Variants in SGCZ observed in about 807,000 individuals in gnomAD.
The protein encoded by SGCZ is sarcoglycan zeta.
In SGCZ, 40 loss-of-function variants were observed where a neutral mutation model predicts 41.3. The observed-to-expected ratio is 0.97, with a 90% CI of 0.75 to 1.26. The LOEUF (loss-of-function observed/expected upper bound fraction) is 1.26, where lower values mean the gene tolerates loss of function less well. Among genes scored for constraint, SGCZ ranks in the 50% most tolerant of loss-of-function variants. The pLI is 0.00. For synonymous variants in SGCZ, 206 were observed against 137.5 expected, an observed-to-expected ratio of 1.50 and a Z score of -3.49; for missense variants, 552 against 369.8, an observed-to-expected ratio of 1.49 and a Z score of -4.04.
At chr8:14,913,841 T>A (rs902387786) in intron 1 of SGCZ, among the ~76,000 whole-genome samples, 10 of 151,128 alleles carry the variant, frequency 6.6e-5, no homozygotes, top group African/African-American at 2.4e-4. Flanking sequence ...GTTTTCCAAG[T>A]GACGTTGCTT....
At chr8:14,283,392 G>C (rs929668696) in intron 3 of SGCZ, among the ~76,000 whole-genome samples, 15 of 152,140 alleles carry the variant, frequency 9.9e-5, no homozygotes, top group African/African-American at 3.6e-4. Context: ...GAGAATGCAA[G>C]AGATGAGAAT....
At chr8:14,292,937 A>G (rs1800889628) in intron 3 of SGCZ, among the ~76,000 whole-genome samples, 1 of 152,008 alleles carries the variant, frequency 6.6e-6, no homozygotes, top group South Asian at 2.1e-4. Context: ...AGTAGAGTCA[A>G]TGATGTATAA....
rs572422775 is a variant in SGCZ at position 14,900,173 on chromosome 8, G to A, written c.39+337412C>T. ...CACTTGACTGTAGACAGACAAGGGC[G>A]GTTTGCTACACAGGCTGGAATAGTT... On this transcript the variant is annotated intron_variant, in intron 1 of 7. Transcript: ENST00000382080. Among the ~76,000 whole-genome samples the A allele has an allele frequency of 1.3e-4, 19 of 151,878 alleles. 1 individual carries two copies. The South Asian group carries it at 2.3e-3, about 18-fold the overall frequency.
intron 1 of SGCZ, among the ~76,000 whole-genome samples, chr8:14,658,468 A>G (rs28545354): frequency 0.094 from 14,302 of 152,150 alleles, 723 homozygotes; most frequent in African/African-American, 0.14. Flanking sequence ...GGCACCTGCT[A>G]TTCCTACCAG....
intron 4 of SGCZ, among the ~76,000 whole-genome samples, chr8:14,186,929 G>C (rs888997581): frequency 6.6e-6 from 1 of 152,108 alleles, no homozygotes; most frequent in Admixed American, 6.5e-5. Flanking sequence ...ACTATTCCTG[G>C]AAAAAAGTTG....
At chr8:14,116,699 C>T (rs1192215842) in intron 5 of SGCZ, among the ~76,000 whole-genome samples, 1 of 151,992 alleles carries the variant, frequency 6.6e-6, no homozygotes, top group Admixed American at 6.6e-5. Context: ...TTATCACTTG[C>T]CATGTAATTC....
chr8:14,973,829 G>C (rs1454830932), intron 1 of SGCZ, among the ~76,000 whole-genome samples: 4 of 152,116 alleles, frequency 2.6e-5, no homozygotes. Flanking sequence ...TATTCTTGCA[G>C]GAGTTCTTGT....
At chr8:14,178,228 A>G (rs1186422413) in intron 4 of SGCZ, among the ~76,000 whole-genome samples, 2 of 152,156 alleles carry the variant, frequency 1.3e-5, no homozygotes, top group African/African-American at 4.8e-5. Flanking sequence ...TGCTGGGATT[A>G]CAGGCTTGAG....
At chr8:14,240,681 G>T (rs564982162) in intron 3 of SGCZ, among the ~76,000 whole-genome samples, 1 of 152,252 alleles carries the variant, frequency 6.6e-6, no homozygotes, top group South Asian at 2.1e-4. Flanking sequence ...CAAGTGATCT[G>T]AACCAAAACC....
At position 14,911,101 on chromosome 8, in the gene SGCZ, A is replaced by C. The variant is rs946722692; in HGVS notation, c.39+326484T>G. Among the ~76,000 whole-genome samples, 5 of 152,088 alleles carry C rather than the reference A, an allele frequency of 3.3e-5. No individual in the cohort carries two copies. In the East Asian group the frequency reaches 9.6e-4, roughly 29 times the overall value. ...TTATAAACTGTCTTCATGAGAAAAG[A>C]AGCATTTTGACTCCTCTGACACATC... On this transcript the variant is annotated intron_variant, in intron 1 of 7. Transcript: ENST00000382080.
At chr8:15,010,027 A>G (rs1210862477) in intron 1 of SGCZ, among the ~76,000 whole-genome samples, 2 of 152,246 alleles carry the variant, frequency 1.3e-5, no homozygotes, top group African/African-American at 4.8e-5. Flanking sequence ...GTGTTAGTGT[A>G]TATTTTTTTT....
intron 2 of SGCZ, among the ~76,000 whole-genome samples, chr8:14,501,380 C>T (rs1563370494): frequency 2.0e-5 from 3 of 151,666 alleles, no homozygotes; most frequent in East Asian, 1.9e-4. Flanking sequence ...CTGGGGAAGT[C>T]GATACAGGAG....
chr8:14,292,969 T>G (rs569842832), intron 3 of SGCZ, among the ~76,000 whole-genome samples: 1 of 152,022 alleles, frequency 6.6e-6, no homozygotes, highest in South Asian at 2.1e-4. Flanking sequence ...CTTTAAAAAG[T>G]TTTTCATTCT....
At chr8:14,811,792 A>C (rs914730245) in intron 1 of SGCZ, among the ~76,000 whole-genome samples, 1 of 152,048 alleles carries the variant, frequency 6.6e-6, no homozygotes, top group Non-Finnish European at 1.5e-5. Flanking sequence ...TCATTTTCAA[A>C]GCTGCTATTC....
At chr8:14,262,240 C>T (rs1266301795) in intron 3 of SGCZ, among the ~76,000 whole-genome samples, 1 of 152,164 alleles carries the variant, frequency 6.6e-6, no homozygotes, top group Non-Finnish European at 1.5e-5. Context: ...AAGGACCTTA[C>T]TGATAAGGTC....
intron 2 of SGCZ, among the ~76,000 whole-genome samples, chr8:14,488,496 C>G (rs1271440861): frequency 6.6e-6 from 1 of 151,940 alleles, no homozygotes; most frequent in East Asian, 1.9e-4. Flanking sequence ...TTGCAATTGC[C>G]CCTTTGAGAT....
intron 1 of SGCZ, among the ~76,000 whole-genome samples, chr8:14,599,138 A>T (rs1197534283): frequency 6.6e-6 from 1 of 152,126 alleles, no homozygotes; most frequent in African/African-American, 2.4e-5. Flanking sequence ...CCGTACATCA[A>T]TTTCAGACAT....
intron 2 of SGCZ, among the ~76,000 whole-genome samples, chr8:14,480,008 G>T (rs1801491304): frequency 6.6e-6 from 1 of 152,120 alleles, no homozygotes; most frequent in African/African-American, 2.4e-5. Flanking sequence ...GCATCCCAAA[G>T]CACCGGGATT....
intron 1 of SGCZ, among the ~76,000 whole-genome samples, chr8:15,129,701 C>A (rs1329422107): frequency 6.3e-5 from 4 of 63,348 alleles, no homozygotes; most frequent in Non-Finnish European, 1.2e-4. Context: ...GTCAGAGAAG[C>A]ATTTGCAAAA....
Sources: allele counts gnomAD v4.1 joint callset (sites outside exome capture counted in the v4.1 genomes callset), GRCh38; gene constraint gnomAD v4.1.1; transcripts MANE v1.5; gene names NCBI Gene and HGNC (gene_info 2026-07-23, HGNC 2026-07-21).